The following SUGCT variants were observed in gnomAD, a reference collection of about 807,000 sequenced individuals.
The protein encoded by SUGCT is succinyl-CoA:glutarate CoA-transferase.
A neutral mutation model predicts 55.0 loss-of-function variants in SUGCT; 41 were observed. The ratio of observed to expected loss-of-function variants is 0.74; its 90% CI spans 0.58 to 0.97. The LOEUF (loss-of-function observed/expected upper bound fraction) is 0.97, where lower values mean the gene tolerates loss of function less well. Among genes scored for constraint, SUGCT ranks in the 50% least tolerant of loss-of-function variants. The pLI, the probability that SUGCT is intolerant of heterozygous loss-of-function variation, is 0.00. For missense variants in SUGCT, 568 were observed against 547.8 expected, an observed-to-expected ratio of 1.04 and a Z score of -0.37; for synonymous variants, 187 against 200.4, an observed-to-expected ratio of 0.93 and a Z score of 0.56.
intron 12 of SUGCT, among the ~76,000 whole-genome samples, chr7:40,691,056 G>C (rs1312234734): frequency 6.6e-6 from 1 of 152,160 alleles, no homozygotes; most frequent in African/African-American, 2.4e-5. Flanking sequence ...AATAGAAAAG[G>C]AAGACTCAGG....
At chr7:40,700,185 C>T (rs1185924245) in intron 12 of SUGCT, among the ~76,000 whole-genome samples, 6 of 152,098 alleles carry the variant, frequency 3.9e-5, no homozygotes, top group African/African-American at 1.2e-4. Flanking sequence ...TGCTTGGAAC[C>T]TCTTTGAAAA....
chr7:40,366,349 C>T (rs1242773600), intron 9 of SUGCT, among the ~76,000 whole-genome samples: 1 of 152,170 alleles, frequency 6.6e-6, no homozygotes, highest in Non-Finnish European at 1.5e-5. Flanking sequence ...AGGACATAGG[C>T]ATGGGCGAGG....
At chr7:40,415,341 C>T (rs909089765) in intron 9 of SUGCT, among the ~76,000 whole-genome samples, 1 of 148,158 alleles carries the variant, frequency 6.7e-6, no homozygotes, top group African/African-American at 2.5e-5. Context: ...TTAGTATTGT[C>T]TTCTCTGATT....
At chr7:40,897,671 A>C in the SUGCT span, among the ~76,000 whole-genome samples, 2 of 152,146 alleles carry the variant, frequency 1.3e-5, no homozygotes. Context: ...GGTGGCTCCA[A>C]CTGAGCTTGA....
At chr7:40,290,807 A>G (rs1197881376) in intron 8 of SUGCT, among the ~76,000 whole-genome samples, 2 of 152,226 alleles carry the variant, frequency 1.3e-5, no homozygotes, top group Non-Finnish European at 1.5e-5. Flanking sequence ...ACAAATCTAC[A>G]AGAAAAAAAC....
rs202108546 is a variant in SUGCT at position 40,350,277 on chromosome 7, C to CTTATTTAT, written c.816+33469_816+33476dup. On this transcript the variant is annotated intron_variant, in intron 9 of 13. Coordinates refer to ENST00000335693, the MANE Select transcript of SUGCT (RefSeq NM_001193313.2). ...AAGTGAATCATACTCATTACTATAT[C>CTTATTTAT]TTATTTATTTATTTATTTATTTATT... 1.4e-3 allele frequency among the ~76,000 whole-genome samples: 193 copies of CTTATTTAT among 137,114 alleles called. 1 individual carries two copies. The highest frequency in any genetic ancestry group is 2.9e-3 in the South Asian group (12 of 4,110). 90.0% of individuals were successfully genotyped at this position (137,114 alleles called of 152,430 possible). A position where few individuals can be genotyped will look rare whatever the true frequency, so the allele number is the denominator to read the frequency against.
chr7:40,313,182 CT>C (rs1235495014), intron 8 of SUGCT, among the ~76,000 whole-genome samples: 1 of 152,092 alleles, frequency 6.6e-6, no homozygotes. Context: ...CCAAAGTTGA[CT>C]TTTTTGTTTA....
At chr7:40,912,618 A>G in the SUGCT span, among the ~76,000 whole-genome samples, 319 of 152,280 alleles carry the variant, frequency 2.1e-3, 2 homozygotes, top group African/African-American at 7.4e-3. Context: ...CCTGTCCTAG[A>G]TGGGCCTGTG....
At chr7:40,976,854 A>G in the SUGCT span, among the ~76,000 whole-genome samples, 8 of 152,218 alleles carry the variant, frequency 5.3e-5, no homozygotes, top group Non-Finnish European at 1.2e-4. Context: ...AGGCTGTTCA[A>G]TGAGATAGTT....
the SUGCT span, among the ~76,000 whole-genome samples, chr7:41,037,953 A>T: frequency 6.6e-6 from 1 of 152,128 alleles, no homozygotes; most frequent in Admixed American, 6.5e-5. Context: ...AGTTGCTATG[A>T]GGGAATGTTG....
At chr7:40,394,170 C>G (rs1009731306) in intron 9 of SUGCT, among the ~76,000 whole-genome samples, 1 of 151,142 alleles carries the variant, frequency 6.6e-6, no homozygotes, top group Non-Finnish European at 1.5e-5. Context: ...TGTTACTTGT[C>G]GAACTTAAAA....
intron 9 of SUGCT, among the ~76,000 whole-genome samples, chr7:40,376,494 C>G (rs573012781): frequency 6.6e-6 from 1 of 151,548 alleles, no homozygotes. Flanking sequence ...CGGGTTTAAG[C>G]GATTCTCCTG....
At chr7:40,690,294 G>T (rs951098839) in intron 12 of SUGCT, among the ~76,000 whole-genome samples, 2 of 152,060 alleles carry the variant, frequency 1.3e-5, no homozygotes, top group African/African-American at 4.8e-5. Flanking sequence ...TGTGACATGA[G>T]TAGACTTCTG....
At chr7:40,173,884 TA>T (rs1396054430) in intron 1 of SUGCT, among the ~76,000 whole-genome samples, 1 of 148,662 alleles carries the variant, frequency 6.7e-6, no homozygotes, top group Non-Finnish European at 1.5e-5. Flanking sequence ...GTTATTTGTA[TA>T]ACATAATTTA....
At position 40,690,550 on chromosome 7, in the gene SUGCT, A is replaced by G. The variant is rs1784648834; in HGVS notation, c.1090-58884A>G. Among the ~76,000 whole-genome samples, 5 of 152,132 alleles carry G rather than the reference A, an allele frequency of 3.3e-5. No individual in the cohort carries two copies. The South Asian group carries it at 1.0e-3, about 31-fold the overall frequency. ...TCATATTAATGGAATAGCAAGATAT[A>G]GAGAGATCAATTCATCCCTATAATT... On this transcript the variant is annotated intron_variant, in intron 12 of 13. Transcript: ENST00000335693.
At chr7:40,657,896 G>A (rs781119483) in intron 12 of SUGCT, among the ~76,000 whole-genome samples, 4 of 152,200 alleles carry the variant, frequency 2.6e-5, no homozygotes, top group African/African-American at 4.8e-5. Context: ...GAAGATAAAT[G>A]TCTGGCTGAA....
chr7:40,520,725 C>A (rs1325353386), intron 12 of SUGCT, among the ~76,000 whole-genome samples: 1 of 152,042 alleles, frequency 6.6e-6, no homozygotes, highest in African/African-American at 2.4e-5. Context: ...GGTTCATGGA[C>A]ACAAGTGACC....
intron 9 of SUGCT, among the ~76,000 whole-genome samples, chr7:40,396,555 C>A (rs1476099752): frequency 1.1e-4 from 17 of 152,092 alleles, no homozygotes; most frequent in Non-Finnish European, 2.4e-4. Context: ...ACATTTTTGC[C>A]GATTTACTTC....
chr7:40,908,782 A>G, the SUGCT span, among the ~76,000 whole-genome samples: 1 of 152,224 alleles, frequency 6.6e-6, no homozygotes, highest in Non-Finnish European at 1.5e-5. Flanking sequence ...CCATGTGGCT[A>G]TTAAACACAT....
Sources: gnomAD v4.1 joint callset for allele counts (sites outside exome capture counted in the v4.1 genomes callset) on GRCh38, gnomAD v4.1.1 for gene constraint, MANE v1.5 for transcripts, NCBI Gene and HGNC (gene_info 2026-07-23, HGNC 2026-07-21) for gene names.